Variants in MOSMO observed in about 807,000 individuals in gnomAD.
MOSMO encodes the protein modulator of smoothened protein.
A neutral mutation model predicts 18.4 loss-of-function variants in MOSMO; 5 were observed. The observed-to-expected ratio is 0.27, with a 90% CI of 0.14 to 0.57. MOSMO has a LOEUF of 0.57. Among genes scored for constraint, MOSMO ranks in the 20% least tolerant of loss-of-function variants. MOSMO has a pLI of 0.92. For synonymous variants in MOSMO, 82 were observed against 82.3 expected (o/e 1.00, Z 0.02); for missense variants, 138 against 211.8 (o/e 0.65, Z 2.16).
intron 1 of MOSMO, among the ~76,000 whole-genome samples, chr16:22,074,349 C>A (rs774724081): frequency 2.0e-5 from 3 of 152,118 alleles, no homozygotes; most frequent in Admixed American, 6.5e-5. Context: ...GCGGGAGGAT[C>A]GCTTGAGACC....
chr16:22,045,135 A>G (rs1397395740), intron 1 of MOSMO, among the ~76,000 whole-genome samples: 1 of 151,918 alleles, frequency 6.6e-6, no homozygotes, highest in African/African-American at 2.4e-5. Flanking sequence ...CAGTGAGCCA[A>G]GATCGTGACA....
In MOSMO at chr16:22,052,978, G is replaced by A. The variant is rs1160582631; in HGVS notation, c.107-22509G>A. 3.7e-5 allele frequency among the ~76,000 whole-genome samples: 5 copies of A among 135,848 alleles called. No homozygotes were observed. The East Asian group carries it at 8.4e-4, about 23-fold the overall frequency. 89.1% of individuals were successfully genotyped at this position (135,848 alleles called of 152,430 possible). ...TTTTTTTTTTTTTTTTTTTTGAGACGGAGTCTCACTCTGTTGCCCAGGCTG... is the reference window on the plus strand; with the variant it reads ...TTTTTTTTTTTTTTTTTTTTGAGACAGAGTCTCACTCTGTTGCCCAGGCTG... On this transcript the variant is annotated intron_variant, in intron 1 of 2. Transcript: ENST00000542527.
At chr16:22,026,366 G>A (rs1054318677) in intron 1 of MOSMO, among the ~76,000 whole-genome samples, 3 of 151,766 alleles carry the variant, frequency 2.0e-5, no homozygotes, top group Admixed American at 6.6e-5. Flanking sequence ...TGACAGGCAC[G>A]TGCTACCAAG....
chr16:22,056,352 C>T (rs1304030915), intron 1 of MOSMO, among the ~76,000 whole-genome samples: 12 of 145,940 alleles, frequency 8.2e-5, no homozygotes, highest in Non-Finnish European at 1.7e-4. Context: ...TTTTCTCCCT[C>T]CTTTCTTTCT....
chr16:22,012,241 A>G (rs546633240), intron 1 of MOSMO, among the ~76,000 whole-genome samples: 1 of 152,284 alleles, frequency 6.6e-6, no homozygotes, highest in South Asian at 2.1e-4. Flanking sequence ...GTGAACTACT[A>G]AGGGAAAGTT....
chr16:22,043,346 C>T (rs1240458219), intron 1 of MOSMO, among the ~76,000 whole-genome samples: 2 of 152,138 alleles, frequency 1.3e-5, no homozygotes, highest in East Asian at 1.9e-4. Flanking sequence ...CACAGCAGTA[C>T]ATTTCCATTT....
intron 1 of MOSMO, among the ~76,000 whole-genome samples, chr16:22,013,396 C>A (rs749211127): frequency 6.6e-6 from 1 of 152,088 alleles, no homozygotes; most frequent in Admixed American, 6.5e-5. Flanking sequence ...GAGGTTTTCC[C>A]AGATTACAGA....
intron 1 of MOSMO, among the ~76,000 whole-genome samples, chr16:22,033,576 G>A (rs1900040985): frequency 2.0e-5 from 3 of 152,000 alleles, no homozygotes; most frequent in Admixed American, 2.0e-4. Context: ...CCAGCACTTT[G>A]GGAAGCCGAG....
intron 1 of MOSMO, among the ~76,000 whole-genome samples, chr16:22,014,987 A>C (rs1375501586): frequency 6.6e-6 from 1 of 152,178 alleles, no homozygotes; most frequent in Non-Finnish European, 1.5e-5. Flanking sequence ...AAGTATACAA[A>C]TAAAGTATTT....
At chr16:22,015,993 C>T (rs897664185) in intron 1 of MOSMO, among the ~76,000 whole-genome samples, 1 of 152,114 alleles carries the variant, frequency 6.6e-6, no homozygotes, top group Non-Finnish European at 1.5e-5. Flanking sequence ...ATTTGGCTGC[C>T]AGAACCCCTT....
intron 1 of MOSMO, among the ~76,000 whole-genome samples, chr16:22,049,706 A>AC (rs751545548): frequency 1.3e-5 from 2 of 152,170 alleles, no homozygotes; most frequent in Non-Finnish European, 2.9e-5. Context: ...TCCTAAGACC[A>AC]CAAAGTCAAC....
chr16:22,023,303 C>G (rs1282466458), intron 1 of MOSMO, among the ~76,000 whole-genome samples: 1 of 152,100 alleles, frequency 6.6e-6, no homozygotes, highest in African/African-American at 2.4e-5. Context: ...TCCTAGAAAC[C>G]TCATACTCTT....
chr16:22,040,208 G>A (rs1377838001), intron 1 of MOSMO, among the ~76,000 whole-genome samples: 1 of 152,160 alleles, frequency 6.6e-6, no homozygotes, highest in Non-Finnish European at 1.5e-5. Flanking sequence ...ATAAGTGGGA[G>A]CTAAATGGTG....
chr16:22,036,321 T>C (rs1900108692), intron 1 of MOSMO, among the ~76,000 whole-genome samples: 1 of 152,128 alleles, frequency 6.6e-6, no homozygotes, highest in Non-Finnish European at 1.5e-5. Context: ...AGACAGGGTC[T>C]CCTGATATTG....
intron 1 of MOSMO, among the ~76,000 whole-genome samples, chr16:22,057,620 C>T (rs999783723): frequency 6.6e-6 from 1 of 152,090 alleles, no homozygotes; most frequent in African/African-American, 2.4e-5. Context: ...AGGAACTCTG[C>T]TAGGCATTAG....
intron 1 of MOSMO, among the ~76,000 whole-genome samples, chr16:22,011,499 T>C (rs1899527431): frequency 6.6e-6 from 1 of 152,122 alleles, no homozygotes; most frequent in Non-Finnish European, 1.5e-5. Flanking sequence ...TTCAGTCGAA[T>C]AGCAGATGGT....
chr16:22,028,825 G>A (rs1899932666), intron 1 of MOSMO, among the ~76,000 whole-genome samples: 1 of 152,114 alleles, frequency 6.6e-6, no homozygotes, highest in Non-Finnish European at 1.5e-5. Context: ...CTTGATGAGT[G>A]TATATTGTCA....
chr16:22,042,518 A>G (rs1900228637), intron 1 of MOSMO, among the ~76,000 whole-genome samples: 1 of 152,228 alleles, frequency 6.6e-6, no homozygotes, highest in African/African-American at 2.4e-5. Flanking sequence ...GATTTGCTAG[A>G]ACATATTTAC....
chr16:22,022,250 T>G (rs1252450221), intron 1 of MOSMO, among the ~76,000 whole-genome samples: 1 of 151,906 alleles, frequency 6.6e-6, no homozygotes, highest in Non-Finnish European at 1.5e-5. Context: ...AAACTCCTCC[T>G]GAACTCAAGC....
Sources: gnomAD v4.1 joint callset for allele counts (sites outside exome capture counted in the v4.1 genomes callset) on GRCh38, gnomAD v4.1.1 for gene constraint, MANE v1.5 for transcripts, NCBI Gene and HGNC (gene_info 2026-07-23, HGNC 2026-07-21) for gene names.